Variants in LRRC7 observed in about 807,000 individuals in gnomAD.
LRRC7 encodes leucine-rich repeat-containing protein 7.
Under a neutral mutation model 175.7 loss-of-function variants are expected in LRRC7, and 23 were observed. That is an observed-to-expected ratio of 0.13 (90% CI 0.09 to 0.19). LRRC7 has a LOEUF of 0.19. Among genes scored for constraint, LRRC7 ranks in the 10% least tolerant of loss-of-function variants. The pLI, the probability that LRRC7 is intolerant of heterozygous loss-of-function variation, is 1.00. For synonymous variants in LRRC7, 685 were observed against 680.9 expected (o/e 1.01, Z -0.09); for missense variants, 1,354 against 1,904.7 (o/e 0.71, Z 5.38).
At chr1:69,693,482 T>C (rs1570386035) in intron 2 of LRRC7, among the ~76,000 whole-genome samples, 1 of 151,754 alleles carries the variant, frequency 6.6e-6, no homozygotes, top group Admixed American at 6.6e-5. Context: ...TAGGGAGGAG[T>C]TGACATTGCC....
chr1:69,847,529 G>T (rs542691865), intron 7 of LRRC7, among the ~76,000 whole-genome samples: 4 of 151,882 alleles, frequency 2.6e-5, no homozygotes, highest in South Asian at 2.1e-4. Flanking sequence ...ACCCACCACC[G>T]CATAACAAAA....
intron 11 of LRRC7, among the ~76,000 whole-genome samples, chr1:69,997,240 C>T (rs1366373501): frequency 3.3e-5 from 5 of 152,118 alleles, no homozygotes; most frequent in Non-Finnish European, 7.3e-5. Flanking sequence ...GATTTTTGTA[C>T]ATTGATTTTG....
intron 1 of LRRC7, among the ~76,000 whole-genome samples, chr1:69,659,030 G>A (rs542177431): frequency 6.6e-5 from 10 of 151,974 alleles, no homozygotes; most frequent in Non-Finnish European, 1.5e-4. Flanking sequence ...GGATAGGGTT[G>A]TCCAAGAGGA....
chr1:70,081,695 A>G (rs958044291), intron 24 of LRRC7, among the ~76,000 whole-genome samples: 6 of 152,136 alleles, frequency 3.9e-5, no homozygotes, highest in African/African-American at 1.4e-4. Context: ...GTCAAGAGTA[A>G]ATTCATATTG....
chr1:69,594,897 G>A (rs1249080905), intron 1 of LRRC7, among the ~76,000 whole-genome samples: 1 of 152,058 alleles, frequency 6.6e-6, no homozygotes, highest in East Asian at 1.9e-4. Context: ...TACTCAACCT[G>A]GAAGACATGC....
In LRRC7 at chr1:69,882,453, A is replaced by G. The variant is rs187939438; in HGVS notation, c.647+44170A>G. 8.7e-4 allele frequency among the ~76,000 whole-genome samples: 132 copies of G among 152,328 alleles called. 2 individuals are homozygous for G. Among genetic ancestry groups the G allele is most frequent in the African/African-American group, 2.9e-3 (122 of 41,584 alleles). On this transcript the variant is annotated intron_variant, in intron 7 of 26. Coordinates refer to ENST00000651989, the MANE Select transcript of LRRC7 (RefSeq NM_001370785.2). ...TCACAATAGCCAAAATATGGAAACA[A>G]CGTAAATGCCTATTGACTGATGAAT...
chr1:69,864,416 A>G (rs1003020648), intron 7 of LRRC7, among the ~76,000 whole-genome samples: 2 of 152,204 alleles, frequency 1.3e-5, no homozygotes, highest in African/African-American at 2.4e-5. Context: ...ATATTCAACA[A>G]CACAGCTTCA....
intron 5 of LRRC7, among the ~76,000 whole-genome samples, chr1:69,830,346 T>A (rs1165173137): frequency 6.6e-6 from 1 of 151,840 alleles, no homozygotes; most frequent in African/African-American, 2.4e-5. Flanking sequence ...TTGGCATATT[T>A]ACTAATAGCT....
chr1:69,670,957 C>T (rs1407213890), intron 1 of LRRC7, among the ~76,000 whole-genome samples: 7 of 152,082 alleles, frequency 4.6e-5, no homozygotes, highest in Admixed American at 1.3e-4. Context: ...ATGCAGGAGT[C>T]GAGGCCTGGA....
chr1:69,843,541 C>T (rs1233059736), intron 7 of LRRC7, among the ~76,000 whole-genome samples: 1 of 151,912 alleles, frequency 6.6e-6, no homozygotes, highest in Non-Finnish European at 1.5e-5. Context: ...AATGGTGTAT[C>T]TATTATTTAT....
intron 26 of LRRC7, among the ~76,000 whole-genome samples, chr1:70,109,731 G>GT (rs1304452834): frequency 6.6e-6 from 1 of 152,156 alleles, no homozygotes; most frequent in Non-Finnish European, 1.5e-5. Context: ...TTTGAAAATT[G>GT]TATGAATTGT....
chr1:69,943,987 C>CAA (rs1553179070), intron 8 of LRRC7, among the ~76,000 whole-genome samples: 133 of 146,490 alleles, frequency 9.1e-4, no homozygotes, highest in African/African-American at 3.4e-3. Flanking sequence ...CACACACACA[C>CAA]AACATGAGAT....
At chr1:69,729,383 G>A (rs549592635) in intron 2 of LRRC7, among the ~76,000 whole-genome samples, 1 of 152,208 alleles carries the variant, frequency 6.6e-6, no homozygotes, top group South Asian at 2.1e-4. Flanking sequence ...CTGTGAGCCT[G>A]TAAAATCAAA....
intron 2 of LRRC7, among the ~76,000 whole-genome samples, chr1:69,746,521 C>T (rs1276744249): frequency 6.6e-6 from 1 of 152,046 alleles, no homozygotes; most frequent in East Asian, 1.9e-4. Flanking sequence ...TTTAAATCCT[C>T]TTCAACAGAT....
chr1:69,752,938 C>A (rs1466741212), intron 2 of LRRC7, among the ~76,000 whole-genome samples: 3 of 151,996 alleles, frequency 2.0e-5, no homozygotes, highest in Non-Finnish European at 4.4e-5. Context: ...TCTAAGAATT[C>A]CTCTTTTGGC....
chr1:69,573,511 G>C (rs1041433072), intron 1 of LRRC7, among the ~76,000 whole-genome samples: 5 of 152,192 alleles, frequency 3.3e-5, no homozygotes, highest in African/African-American at 1.2e-4. Flanking sequence ...TAATCTAGTA[G>C]AATCTGTCAT....
At chr1:70,042,139 T>C (rs1367879270) in intron 21 of LRRC7, among the ~76,000 whole-genome samples, 1 of 152,216 alleles carries the variant, frequency 6.6e-6, no homozygotes, top group African/African-American at 2.4e-5. Context: ...AGAAGCTCTT[T>C]CTTTTGTTTT....
intron 2 of LRRC7, among the ~76,000 whole-genome samples, chr1:69,690,625 C>T (rs1661739912): frequency 1.3e-5 from 2 of 152,252 alleles, no homozygotes; most frequent in South Asian, 4.2e-4. Flanking sequence ...CTCTTCTTGG[C>T]AGACATCAGG....
intron 2 of LRRC7, among the ~76,000 whole-genome samples, chr1:69,712,339 T>C (rs1422079794): frequency 6.6e-6 from 1 of 152,158 alleles, no homozygotes; most frequent in Non-Finnish European, 1.5e-5. Flanking sequence ...GTGCAGTGGC[T>C]ACGCCTGTAA....
Sources: allele counts gnomAD v4.1 joint callset (sites outside exome capture counted in the v4.1 genomes callset), GRCh38; gene constraint gnomAD v4.1.1; transcripts MANE v1.5; gene names NCBI Gene and HGNC (gene_info 2026-07-23, HGNC 2026-07-21).